CRIM1: variants seen among roughly 807,000 people sequenced by gnomAD.
CRIM1 encodes the protein cysteine rich transmembrane BMP regulator 1.
Under a neutral mutation model 116.4 loss-of-function variants are expected in CRIM1, and 32 were observed. That is an observed-to-expected ratio of 0.27 (90% CI 0.21 to 0.37). The LOEUF (loss-of-function observed/expected upper bound fraction) is 0.37, where lower values mean the gene tolerates loss of function less well. CRIM1 is among the 10% of genes least tolerant of loss of function. The pLI, the probability that CRIM1 is intolerant of heterozygous loss-of-function variation, is 1.00. For missense variants in CRIM1, 1,331 were observed against 1,354.8 expected (o/e 0.98, Z 0.28); for synonymous variants, 590 against 509.2 (o/e 1.16, Z -2.13).
chr2:36,536,193 G>T (rs1178404342), intron 13 of CRIM1, among the ~76,000 whole-genome samples: 3 of 152,204 alleles, frequency 2.0e-5, no homozygotes, highest in African/African-American at 7.2e-5. Flanking sequence ...AGAGAAAATG[G>T]CTCCTGATGC....
rs1458401003 is a variant in CRIM1, at chr2:36,512,288, C to A, written c.1674C>A (p.Gly558=). Reference sequence around the variant, plus strand: ...AATTACCCAGGAAGAATAAGCACGGCTGTGACATCTGTCGCTGTAAGAAAT... The same window carrying A: ...AATTACCCAGGAAGAATAAGCACGGATGTGACATCTGTCGCTGTAAGAAAT... ...CPLGLLKNKH[G]CDICRCKKCP... is the part of the protein sequence containing the mutation. The change falls in exon 10 of 17, where the codon GGC becomes GGA. Residue 558 remains glycine, a synonymous_variant. Coordinates refer to ENST00000280527, the MANE Select transcript of CRIM1 (RefSeq NM_016441.3). 6.2e-7 allele frequency: 1 copy of A among 1,613,306 alleles called. No individual in the cohort carries two copies. Among genetic ancestry groups the A allele is most frequent in the Non-Finnish European group, 8.5e-7 (1 of 1,179,366 alleles).
At chr2:36,386,218 G>A (rs1296973260) in intron 1 of CRIM1, among the ~76,000 whole-genome samples, 1 of 152,164 alleles carries the variant, frequency 6.6e-6, no homozygotes, top group Non-Finnish European at 1.5e-5. Flanking sequence ...CTGGCAAGAA[G>A]CATTAACGTG....
intron 11 of CRIM1, among the ~76,000 whole-genome samples, chr2:36,516,877 A>G (rs950777394): frequency 2.6e-5 from 4 of 152,316 alleles, no homozygotes; most frequent in Non-Finnish European, 4.4e-5. Flanking sequence ...CAGTTTCCTC[A>G]TGCATAAAAT....
intron 13 of CRIM1, among the ~76,000 whole-genome samples, chr2:36,527,788 T>C (rs1464366974): frequency 6.6e-6 from 1 of 152,232 alleles, no homozygotes; most frequent in African/African-American, 2.4e-5. Context: ...AACTTAATGT[T>C]ACGCATTTCG....
chr2:36,485,557 C>T (rs188157006), intron 7 of CRIM1, among the ~76,000 whole-genome samples: 6 of 152,322 alleles, frequency 3.9e-5, no homozygotes, highest in Non-Finnish European at 5.9e-5. Context: ...GTACCAGGCA[C>T]ATATCTGGGT....
rs542469077 is a variant in CRIM1, at chr2:36,406,532, T to A, written c.505+9745T>A. Among the ~76,000 whole-genome samples the A allele has an allele frequency of 2.6e-5, 4 of 151,984 alleles. No homozygotes were observed. In the East Asian group the frequency reaches 7.8e-4, roughly 30 times the overall value. On this transcript the variant is annotated intron_variant, in intron 2 of 16. Coordinates refer to ENST00000280527, the MANE Select transcript of CRIM1 (RefSeq NM_016441.3). ...GGGAAGGGAATTCCAGATCCTTTGC[T>A]CATGTCAGGAAAAACCTTTGTGGGG...
chr2:36,402,057 T>C (rs1314785441), intron 2 of CRIM1, among the ~76,000 whole-genome samples: 1 of 152,158 alleles, frequency 6.6e-6, no homozygotes, highest in African/African-American at 2.4e-5. Context: ...TATACAGGGC[T>C]GAAGGTCCAT....
At chr2:36,402,978 C>T (rs143147588) in intron 2 of CRIM1, among the ~76,000 whole-genome samples, 1 of 152,196 alleles carries the variant, frequency 6.6e-6, no homozygotes, top group African/African-American at 2.4e-5. Flanking sequence ...TACATACATG[C>T]TCTATGGTGT....
chr2:36,375,462 G>A (rs569100759), intron 1 of CRIM1, among the ~76,000 whole-genome samples: 41 of 152,174 alleles, frequency 2.7e-4, no homozygotes, highest in African/African-American at 9.2e-4. Context: ...TGCATAAACG[G>A]TATACAAAAT....
intron 2 of CRIM1, among the ~76,000 whole-genome samples, chr2:36,423,438 C>G (rs185343449): frequency 3.3e-5 from 5 of 152,232 alleles, no homozygotes; most frequent in Admixed American, 2.6e-4. Context: ...TACAATGTTC[C>G]TTTGTTAACA....
At chr2:36,466,368 A>T (rs1412995667) in intron 5 of CRIM1, among the ~76,000 whole-genome samples, 6 of 152,066 alleles carry the variant, frequency 3.9e-5, no homozygotes, top group South Asian at 4.2e-4. Flanking sequence ...GCTTCTCCCC[A>T]CTCTGGTCAT....
rs779745197 is a variant in CRIM1, at chr2:36,356,665, C to T, written c.331+42C>T. The stretch of plus-strand genomic sequence containing the variant: ...CGGGCCCCCTCCCACCTGGCCTGCG[C>T]CGCCCCCTCGGCGCTGGTTGTGCCG... On this transcript the variant is annotated intron_variant, in intron 1 of 16. Transcript: ENST00000280527. The surrounding 1 kb of genome is among the most constrained non-coding windows in gnomAD (Gnocchi z 4.3). The T allele has an allele frequency of 3.9e-6, 6 of 1,557,308 alleles. No individual in the cohort carries two copies. Among genetic ancestry groups the T allele is most frequent in the Non-Finnish European group, 2.6e-6 (3 of 1,150,926 alleles).
At chr2:36,471,820 G>A (rs1256560390) in intron 5 of CRIM1, among the ~76,000 whole-genome samples, 2 of 151,884 alleles carry the variant, frequency 1.3e-5, no homozygotes, top group Admixed American at 1.3e-4. Flanking sequence ...CATGTGGCCC[G>A]CAGGCTGCAG....
At chr2:36,504,036 A>T (rs1291111639) in intron 8 of CRIM1, among the ~76,000 whole-genome samples, 2 of 151,544 alleles carry the variant, frequency 1.3e-5, no homozygotes, top group Non-Finnish European at 2.9e-5. Context: ...CACCCAGCTC[A>T]TTTTTTTTGT....
At chr2:36,449,555 G>A (rs901687940) in intron 4 of CRIM1, among the ~76,000 whole-genome samples, 8 of 152,154 alleles carry the variant, frequency 5.3e-5, no homozygotes, top group Non-Finnish European at 8.8e-5. Flanking sequence ...GGCCCACTTC[G>A]GCATGAGTTT....
chr2:36,521,432 T>C (rs537226646), intron 12 of CRIM1, among the ~76,000 whole-genome samples: 5 of 152,340 alleles, frequency 3.3e-5, no homozygotes, highest in South Asian at 4.1e-4. Context: ...AAATTGCATG[T>C]GGCCACAAGT....
chr2:36,422,205 G>T (rs1674118793), intron 2 of CRIM1, among the ~76,000 whole-genome samples: 1 of 151,176 alleles, frequency 6.6e-6, no homozygotes, highest in Admixed American at 6.6e-5. Context: ...TGGGGGATTT[G>T]TCTCTATTTT....
At chr2:36,457,843 G>C (rs1332613279) in intron 4 of CRIM1, among the ~76,000 whole-genome samples, 1 of 151,864 alleles carries the variant, frequency 6.6e-6, no homozygotes, top group Non-Finnish European at 1.5e-5. Context: ...TAAAGTTGCA[G>C]CTACTTTTTA....
chr2:36,450,146 T>C (rs533699345), intron 4 of CRIM1, among the ~76,000 whole-genome samples: 2 of 152,214 alleles, frequency 1.3e-5, no homozygotes, highest in Non-Finnish European at 2.9e-5. Context: ...TCTGTTAAAC[T>C]GCTTTCTAAT....
Sources: allele counts gnomAD v4.1 joint callset (sites outside exome capture counted in the v4.1 genomes callset), GRCh38; gene constraint gnomAD v4.1.1; non-coding constraint Gnocchi (gnomAD v3.1); transcripts MANE v1.5; gene names NCBI Gene and HGNC (gene_info 2026-07-23, HGNC 2026-07-21).